FBXO16: variants seen among roughly 807,000 people sequenced by gnomAD.
FBXO16 encodes the protein F-box protein 16.
FBXO16 carries 31 observed loss-of-function variants against 41.0 expected under a neutral mutation model. The ratio of observed to expected loss-of-function variants is 0.76; its 90% CI spans 0.57 to 1.02. FBXO16 has a LOEUF of 1.02. Among genes scored for constraint, FBXO16 ranks in the 50% least tolerant of loss-of-function variants. FBXO16 has a pLI of 0.00. For missense variants in FBXO16, 361 were observed against 346.2 expected (o/e 1.04, Z -0.34); for synonymous variants, 133 against 117.8 (o/e 1.13, Z -0.84).
intron 4 of FBXO16, among the ~76,000 whole-genome samples, chr8:28,458,554 T>C (rs889889305): frequency 1.5e-4 from 20 of 129,186 alleles, no homozygotes; most frequent in South Asian, 4.8e-4. Context: ...CTTTTTTTTT[T>C]TTTTTTTTTT....
chr8:28,452,190 C>T, intron 6 of FBXO16, 54 bp downstream of exon 6: 2 of 1,505,068 alleles, frequency 1.3e-6, no homozygotes, highest in Non-Finnish European at 1.8e-6. Flanking sequence ...TACTGAAATG[C>T]CAATAAATTA....
rs769536194 is a variant in FBXO16, at chr8:28,447,270, T to C, written c.744A>G (p.Arg248=). ...RDPMETVQQG[R]RKRNQMTPDF... ...CTGGGGTCATTTGGTTTCTTTTTCT[T>C]CTTCTGTAAATTGGAAAGCAGTGGG... The change falls in exon 7 of 9, where the codon AGA becomes AGG. Residue 248 remains arginine, a synonymous_variant. Coordinates refer to ENST00000380254, the MANE Select transcript of FBXO16 (RefSeq NM_172366.4). The C allele has an allele frequency of 1.1e-5, 18 of 1,611,542 alleles. No homozygotes were observed. The highest frequency in any genetic ancestry group is 1.5e-5 in the Non-Finnish European group (18 of 1,179,308).
At chr8:28,429,318 A>G in intron 8 of FBXO16, 60 bp downstream of exon 8, 1 of 1,570,834 alleles carries the variant, frequency 6.4e-7, no homozygotes. Flanking sequence ...TAATCAATAC[A>G]TGCACACGAT....
intron 3 of FBXO16, among the ~76,000 whole-genome samples, chr8:28,471,776 C>T (rs1254759416): frequency 7.7e-6 from 1 of 129,500 alleles, no homozygotes; most frequent in East Asian, 2.4e-4. Flanking sequence ...CCATAGATTA[C>T]TCTCTTGAAG....
At position 28,448,611 on chromosome 8, in the gene FBXO16, T is replaced by A. The variant is rs1802903929; in HGVS notation, c.741-1338A>T. ...GTTACTTCATGTGAATTTAATGCAG[T>A]AATTTGTCTGAATATTCTTGATAGA... is the stretch of plus-strand genomic sequence containing the variant. On this transcript the variant is annotated intron_variant, in intron 6 of 8. Coordinates refer to ENST00000380254, the MANE Select transcript of FBXO16 (RefSeq NM_172366.4). Among the ~76,000 whole-genome samples the A allele has an allele frequency of 2.6e-5, 4 of 152,314 alleles. No homozygotes were observed. The East Asian group carries it at 5.8e-4, about 22-fold the overall frequency.
In FBXO16 at chr8:28,452,450, G is replaced by A. The variant is rs754859131; in HGVS notation, c.534C>T (p.Ile178=). ...PKTPPKDGFV[I]ADVQLVTSNS... The stretch of plus-strand genomic sequence containing the variant: ...TGCTTGTAACTAGTTGAACGTCAGC[G>A]ATTACAAATCCATCCTTTGGGGGTG... Residue 178 remains isoleucine, a synonymous_variant, in exon 6 of 9, where the codon ATC becomes ATT. Coordinates refer to ENST00000380254, the MANE Select transcript of FBXO16 (RefSeq NM_172366.4). The A allele has an allele frequency of 1.7e-5, 27 of 1,613,954 alleles. No individual in the cohort carries two copies. The highest frequency in any genetic ancestry group is 3.3e-5 in the Admixed American group (2 of 59,994).
chr8:28,432,501 C>A (rs1038506516), intron 7 of FBXO16, among the ~76,000 whole-genome samples: 4 of 151,430 alleles, frequency 2.6e-5, no homozygotes, highest in Non-Finnish European at 5.9e-5. Flanking sequence ...AACAAAACAA[C>A]AACAACAACA....
chr8:28,436,356 C>G (rs1156363302), intron 7 of FBXO16, among the ~76,000 whole-genome samples: 1 of 152,200 alleles, frequency 6.6e-6, no homozygotes, highest in Non-Finnish European at 1.5e-5. Flanking sequence ...CAAAACATTC[C>G]CTTTTACTCC....
At chr8:28,478,662 A>C (rs940429358) in intron 2 of FBXO16, among the ~76,000 whole-genome samples, 1 of 152,018 alleles carries the variant, frequency 6.6e-6, no homozygotes, top group Non-Finnish European at 1.5e-5. Context: ...ATTTCTACTA[A>C]AAATATGAAA....
chr8:28,484,840 C>A (rs189525915), intron 1 of FBXO16, among the ~76,000 whole-genome samples: 10 of 152,048 alleles, frequency 6.6e-5, no homozygotes, highest in East Asian at 3.9e-4. Flanking sequence ...TGATCCACCC[C>A]CCCTGGGCCT....
intron 3 of FBXO16, among the ~76,000 whole-genome samples, chr8:28,464,573 G>T (rs1803200882): frequency 6.6e-6 from 1 of 152,180 alleles, no homozygotes; most frequent in Non-Finnish European, 1.5e-5. Context: ...GGCCCATTGG[G>T]GAAGAGAAAA....
chr8:28,433,624 A>G (rs1010644814), intron 7 of FBXO16, among the ~76,000 whole-genome samples: 2 of 152,156 alleles, frequency 1.3e-5, no homozygotes, highest in African/African-American at 2.4e-5. Context: ...GCTGTATCTT[A>G]TGATTATCTC....
intron 2 of FBXO16, among the ~76,000 whole-genome samples, chr8:28,479,823 C>T (rs1285756268): frequency 1.3e-5 from 2 of 152,122 alleles, no homozygotes; most frequent in East Asian, 1.9e-4. Context: ...TGGGCTCAAG[C>T]GATCCTCCTG....
chr8:28,446,678 T>C (rs976478023), intron 7 of FBXO16, among the ~76,000 whole-genome samples: 1 of 151,348 alleles, frequency 6.6e-6, no homozygotes, highest in Non-Finnish European at 1.5e-5. Flanking sequence ...TGGAGACCAG[T>C]CTGGTCAACA....
chr8:28,479,420 C>A (rs1803476883), intron 2 of FBXO16, among the ~76,000 whole-genome samples: 2 of 152,176 alleles, frequency 1.3e-5, no homozygotes, highest in African/African-American at 4.8e-5. Context: ...GGCATTCAGG[C>A]AATTTTTTGC....
intron 1 of FBXO16, among the ~76,000 whole-genome samples, chr8:28,488,625 A>G (rs1803640845): frequency 6.6e-6 from 1 of 152,038 alleles, no homozygotes; most frequent in Non-Finnish European, 1.5e-5. Context: ...TCACACTGTC[A>G]TCATTATTTA....
chr8:28,441,910 A>ATGTGTG (rs1175392833), intron 7 of FBXO16, among the ~76,000 whole-genome samples: 1,366 of 107,816 alleles, frequency 0.013, 39 homozygotes, highest in African/African-American at 0.058. Flanking sequence ...GTATATATAT[A>ATGTGTG]TGTGTGTGTG....
At chr8:28,459,104 C>T (rs1236489908) in intron 4 of FBXO16, among the ~76,000 whole-genome samples, 2 of 152,072 alleles carry the variant, frequency 1.3e-5, no homozygotes, top group Non-Finnish European at 1.5e-5. Flanking sequence ...TAATATTATC[C>T]TTGTGGAAAA....
In FBXO16 at chr8:28,447,232, T is replaced by C. The variant is rs1416972230; in HGVS notation, c.782A>G (p.Gln261Arg). 6.2e-7 allele frequency: 1 copy of C among 1,613,756 alleles called. No homozygotes were observed. Among genetic ancestry groups the C allele is most frequent in the African/African-American group, 1.3e-5 (1 of 74,940 alleles). The change falls in exon 7 of 9, where the codon CAG becomes CGG. Residue 261 changes from glutamine to arginine, a missense_variant. Coordinates refer to ENST00000380254, the MANE Select transcript of FBXO16 (RefSeq NM_172366.4). ...CAATTTATTTTTCTTATCATGTGAC[T>C]GTCGGCTGAAGTCTGGGGTCATTTG... ...RNQMTPDFSR[Q>R]SHDKKNKLQD...
Sources: gnomAD v4.1 joint callset for allele counts (sites outside exome capture counted in the v4.1 genomes callset) on GRCh38, gnomAD v4.1.1 for gene constraint, MANE v1.5 for transcripts, NCBI Gene and HGNC (gene_info 2026-07-23, HGNC 2026-07-21) for gene names.